Variants in NALF1 observed in about 807,000 individuals in gnomAD.
The protein encoded by NALF1 is NALCN channel auxiliary factor 1.
In NALF1, 3 loss-of-function variants were observed where a neutral mutation model predicts 48.4. The ratio of observed to expected loss-of-function variants is 0.06; its 90% CI spans 0.03 to 0.16. The LOEUF is 0.16. Among genes scored for constraint, NALF1 ranks in the 10% least tolerant of loss-of-function variants. NALF1 has a pLI of 1.00. For synonymous variants in NALF1, 262 were observed against 245.7 expected, an observed-to-expected ratio of 1.07 and a Z score of -0.62; for missense variants, 526 against 571.5, an observed-to-expected ratio of 0.92 and a Z score of 0.81.
chr13:107,616,475 C>G (rs1398390231), intron 1 of NALF1, among the ~76,000 whole-genome samples: 1 of 152,132 alleles, frequency 6.6e-6, no homozygotes, highest in Non-Finnish European at 1.5e-5. Flanking sequence ...ATTTCAAAAC[C>G]ATTTATGTGT....
chr13:107,657,770 T>C (rs971189056), intron 1 of NALF1, among the ~76,000 whole-genome samples: 8 of 152,182 alleles, frequency 5.3e-5, no homozygotes, highest in Non-Finnish European at 8.8e-5. Context: ...AAACTGATCA[T>C]ATGCTAACAA....
At chr13:107,210,844 G>T in intron 1 of NALF1, 89 bp from the exon 2 acceptor site, 3 of 851,458 alleles carry the variant, frequency 3.5e-6, no homozygotes, top group Non-Finnish European at 5.7e-6. Flanking sequence ...GCGTGCTGTG[G>T]TTTCAAGTGG....
At chr13:107,817,845 T>C (rs1482467150) in intron 1 of NALF1, among the ~76,000 whole-genome samples, 1 of 95,410 alleles carries the variant, frequency 1.0e-5, no homozygotes, top group Admixed American at 1.3e-4. Context: ...GCAATCTGGC[T>C]TCCATTTGTT....
intron 1 of NALF1, among the ~76,000 whole-genome samples, chr13:107,642,032 A>T (rs1343678639): frequency 2.6e-5 from 4 of 152,182 alleles, no homozygotes; most frequent in Non-Finnish European, 5.9e-5. Context: ...TGCTGAGACC[A>T]GGTAAGGTCC....
At chr13:107,775,745 A>G (rs1877713522) in intron 1 of NALF1, among the ~76,000 whole-genome samples, 1 of 152,092 alleles carries the variant, frequency 6.6e-6, no homozygotes, top group Non-Finnish European at 1.5e-5. Flanking sequence ...AATGATTGCC[A>G]TTTAATGAAT....
chr13:107,455,608 C>A lies in NALF1; in HGVS notation c.916-244853G>T, dbSNP rs1250693336. 2.6e-5 allele frequency among the ~76,000 whole-genome samples: 4 copies of A among 152,204 alleles called. No homozygotes were observed. In the South Asian group the frequency reaches 8.3e-4, roughly 32 times the overall value. On this transcript the variant is annotated intron_variant, in intron 1 of 2. Transcript: ENST00000375915. ...GTGGTGTACAGTATATGGGTTTTGA[C>A]AAATGTTTAATGACATGTACCCACA...
intron 1 of NALF1, among the ~76,000 whole-genome samples, chr13:107,678,215 G>A (rs1236186741): frequency 1.3e-5 from 2 of 152,060 alleles, no homozygotes; most frequent in South Asian, 2.1e-4. Context: ...TCCTTCCAAT[G>A]AACTCCACAG....
chr13:107,199,278 C>A (rs576956579), intron 2 of NALF1, among the ~76,000 whole-genome samples: 1 of 152,024 alleles, frequency 6.6e-6, no homozygotes, highest in Non-Finnish European at 1.5e-5. Flanking sequence ...TGTCTACAGG[C>A]CAAGGAGAGA....
intron 1 of NALF1, among the ~76,000 whole-genome samples, chr13:107,845,066 A>G (rs894110258): frequency 2.0e-5 from 3 of 152,212 alleles, no homozygotes; most frequent in African/African-American, 7.2e-5. Context: ...GCATAGGAAA[A>G]AGGCACACTA....
intron 1 of NALF1, among the ~76,000 whole-genome samples, chr13:107,328,015 G>A (rs185575380): frequency 3.0e-4 from 46 of 151,990 alleles, no homozygotes; most frequent in African/African-American, 1.1e-3. Flanking sequence ...CAACCTCCAA[G>A]GCTCAGGTGA....
In NALF1 at chr13:107,166,103, T is replaced by C. The variant is rs1232131505; in HGVS notation, c.*4394A>G. On this transcript the variant is annotated 3_prime_UTR_variant, in exon 3 of 3. Transcript: ENST00000375915. ...CATAGTATATAACCCTAACGCCTCATATATGCATATGCACACTTATGAAAT... is the reference window on the plus strand; with the variant it reads ...CATAGTATATAACCCTAACGCCTCACATATGCATATGCACACTTATGAAAT... 6.6e-6 allele frequency: 1 copy of C among 152,106 alleles called. No individual in the cohort carries two copies. Among genetic ancestry groups the C allele is most frequent in the African/African-American group, 2.4e-5 (1 of 41,414 alleles). The allele number at this position is 152,106 out of a possible 1,614,324, so 9.4% of individuals were successfully genotyped here.
intron 1 of NALF1, among the ~76,000 whole-genome samples, chr13:107,744,398 T>C (rs972053336): frequency 6.6e-6 from 1 of 152,056 alleles, no homozygotes; most frequent in Non-Finnish European, 1.5e-5. Context: ...GTAAGCGAAG[T>C]GTTTTAAAAA....
intron 1 of NALF1, among the ~76,000 whole-genome samples, chr13:107,349,172 C>T (rs972717075): frequency 6.6e-6 from 1 of 152,194 alleles, no homozygotes; most frequent in Non-Finnish European, 1.5e-5. Flanking sequence ...CATTTTCTAG[C>T]CTGTGCATTT....
At chr13:107,722,520 C>T (rs1876016218) in intron 1 of NALF1, among the ~76,000 whole-genome samples, 2 of 152,288 alleles carry the variant, frequency 1.3e-5, no homozygotes, top group South Asian at 4.1e-4. Context: ...AGCAGTGCCA[C>T]CCTGACTGGG....
At chr13:107,850,894 C>T (rs922318239) in intron 1 of NALF1, among the ~76,000 whole-genome samples, 8 of 151,686 alleles carry the variant, frequency 5.3e-5, no homozygotes, top group African/African-American at 1.9e-4. Flanking sequence ...CAGAGCGAGA[C>T]TCCATCTCCA....
intron 1 of NALF1, among the ~76,000 whole-genome samples, chr13:107,222,296 T>C (rs1880010953): frequency 6.6e-6 from 1 of 152,214 alleles, no homozygotes; most frequent in Admixed American, 6.5e-5. Context: ...TATTAAATTA[T>C]ACAGAAGTGA....
chr13:107,531,893 T>C (rs1876651110), intron 1 of NALF1, among the ~76,000 whole-genome samples: 1 of 152,158 alleles, frequency 6.6e-6, no homozygotes, highest in South Asian at 2.1e-4. Flanking sequence ...AATTTTATGC[T>C]TATAAACTTC....
At chr13:107,501,985 T>C (rs1875539888) in intron 1 of NALF1, among the ~76,000 whole-genome samples, 1 of 152,172 alleles carries the variant, frequency 6.6e-6, no homozygotes, top group African/African-American at 2.4e-5. Flanking sequence ...CATTTGCAGA[T>C]AATATTTGAC....
At chr13:107,226,228 T>C (rs1880105393) in intron 1 of NALF1, among the ~76,000 whole-genome samples, 1 of 152,054 alleles carries the variant, frequency 6.6e-6, no homozygotes, top group Admixed American at 6.5e-5. Flanking sequence ...GGGAAGCCAA[T>C]TGTATGTTAT....
Sources: gnomAD v4.1 joint callset for allele counts (sites outside exome capture counted in the v4.1 genomes callset) on GRCh38, gnomAD v4.1.1 for gene constraint, MANE v1.5 for transcripts, NCBI Gene and HGNC (gene_info 2026-07-23, HGNC 2026-07-21) for gene names.